The following PCCA variants were observed in gnomAD, a reference collection of about 807,000 sequenced individuals.
The protein encoded by PCCA is propionyl-CoA carboxylase subunit alpha.
A neutral mutation model predicts 101.3 loss-of-function variants in PCCA; 74 were observed. The observed-to-expected ratio is 0.73, with a 90% CI of 0.61 to 0.89. The LOEUF (loss-of-function observed/expected upper bound fraction) is 0.89, where lower values mean the gene tolerates loss of function less well. PCCA is among the 40% of genes least tolerant of loss of function. PCCA has a pLI of 0.00. For synonymous variants in PCCA, 294 were observed against 313.6 expected, an observed-to-expected ratio of 0.94 and a Z score of 0.66; for missense variants, 891 against 907.0, an observed-to-expected ratio of 0.98 and a Z score of 0.23.
intron 19 of PCCA, among the ~76,000 whole-genome samples, chr13:100,373,323 C>G (rs778960898): frequency 2.0e-5 from 3 of 152,088 alleles, no homozygotes; most frequent in Non-Finnish European, 4.4e-5. Context: ...AACCCTTGTG[C>G]ACAGTTGGTA....
chr13:100,374,077 A>T (rs956709632), intron 19 of PCCA, among the ~76,000 whole-genome samples: 1 of 152,128 alleles, frequency 6.6e-6, no homozygotes, highest in Admixed American at 6.5e-5. Context: ...ACGCCACTGC[A>T]CTCTAGCCTG....
chr13:100,507,802 G>A (rs574537020), intron 21 of PCCA, among the ~76,000 whole-genome samples: 1 of 151,068 alleles, frequency 6.6e-6, no homozygotes, highest in Non-Finnish European at 1.5e-5. Context: ...GATTACAAGC[G>A]CCCACCACCA....
intron 4 of PCCA, among the ~76,000 whole-genome samples, chr13:100,131,418 C>T (rs752553634): frequency 4.6e-5 from 7 of 152,246 alleles, no homozygotes; most frequent in African/African-American, 7.2e-5. Context: ...CTGCTATGGC[C>T]GCTTGGACCC....
chr13:100,218,001 G>A (rs927542014), intron 7 of PCCA, among the ~76,000 whole-genome samples: 1 of 151,686 alleles, frequency 6.6e-6, no homozygotes, highest in Admixed American at 6.6e-5. Flanking sequence ...CTAGAACCCT[G>A]GGGGAGGAGG....
At chr13:100,404,767 T>G (rs529018390) in intron 19 of PCCA, among the ~76,000 whole-genome samples, 1 of 152,296 alleles carries the variant, frequency 6.6e-6, no homozygotes, top group East Asian at 1.9e-4. Flanking sequence ...CTTACCCACG[T>G]AACGCCCTAT....
rs1190274343 is a variant in PCCA, at chr13:100,302,933, A to G, written c.1219A>G (p.Lys407Glu). 1.9e-6 allele frequency: 3 copies of G among 1,594,752 alleles called. No homozygotes were observed. The highest frequency in any genetic ancestry group is 1.1e-5 in the South Asian group (1 of 90,678). ...ECRVYAEDPY[K>E]SFGLPSIGRL... ...TCCTTTGAACTTTCAGGACCCCTAC[A>G]AGTCTTTTGGTTTACCATCTATTGG... The change falls in exon 14 of 24, where the codon AAG becomes GAG. Residue 407 changes from lysine (K) to glutamate (E), a missense_variant. Physicochemically the swap from Lys to Glu is moderately conservative, Grantham distance 56 (BLOSUM62 1). Transcript: ENST00000376285.
intron 18 of PCCA, among the ~76,000 whole-genome samples, chr13:100,347,706 T>C (rs944554178): frequency 1.3e-5 from 2 of 152,208 alleles, no homozygotes; most frequent in African/African-American, 4.8e-5. Context: ...TTTTAACTCA[T>C]TATCTTTTAG....
intron 4 of PCCA, among the ~76,000 whole-genome samples, chr13:100,125,151 G>GTGTGTGTGTGTC (rs2152310939): frequency 6.6e-6 from 1 of 152,002 alleles, no homozygotes; most frequent in African/African-American, 2.4e-5. Flanking sequence ...GTGTGTGTGT[G>GTGTGTGTGTGTC]TGTGTGTGTG....
intron 19 of PCCA, among the ~76,000 whole-genome samples, chr13:100,413,213 A>G (rs1334965131): frequency 2.6e-5 from 4 of 152,204 alleles, no homozygotes; most frequent in Non-Finnish European, 4.4e-5. Context: ...AGATAATAAT[A>G]TAAAGTAGGT....
At chr13:100,166,026 T>C (rs1463519112) in intron 6 of PCCA, among the ~76,000 whole-genome samples, 2 of 152,240 alleles carry the variant, frequency 1.3e-5, no homozygotes, top group African/African-American at 4.8e-5. Flanking sequence ...TGTACACTTA[T>C]ATGTGTACAC....
At chr13:100,488,775 C>T (rs2084637663) in intron 21 of PCCA, among the ~76,000 whole-genome samples, 1 of 151,922 alleles carries the variant, frequency 6.6e-6, no homozygotes, top group South Asian at 2.1e-4. Flanking sequence ...CACTGCACTG[C>T]AATCTGGGCA....
chr13:100,353,813 C>A lies in PCCA; in HGVS notation c.1643+13554C>A, dbSNP rs558249070. Reference sequence around the variant, plus strand: ...ATAAAAAATACAAGAATATGCTGCGCATGGTGGCACGTGCCTATAGTCCTT... The same window carrying A: ...ATAAAAAATACAAGAATATGCTGCGAATGGTGGCACGTGCCTATAGTCCTT... On this transcript the variant is annotated intron_variant, in intron 18 of 23. Transcript: ENST00000376285. 3.3e-5 allele frequency among the ~76,000 whole-genome samples: 5 copies of A among 152,010 alleles called. No individual in the cohort carries two copies. The South Asian group carries it at 1.0e-3, about 32-fold the overall frequency.
chr13:100,445,850 A>C (rs1202376022), intron 20 of PCCA, among the ~76,000 whole-genome samples: 1 of 152,188 alleles, frequency 6.6e-6, no homozygotes, highest in African/African-American at 2.4e-5. Flanking sequence ...TGTCTTGGCC[A>C]TCATGAATAG....
At chr13:100,245,382 G>T (rs766389886) in intron 8 of PCCA, among the ~76,000 whole-genome samples, 21 of 152,170 alleles carry the variant, frequency 1.4e-4, no homozygotes, top group Non-Finnish European at 3.1e-4. Flanking sequence ...TTTAATTGGA[G>T]TTTGTGGAGT....
In PCCA at chr13:100,409,027, C is replaced by T. The variant is rs184760733; in HGVS notation, c.1747-16606C>T. On this transcript the variant is annotated intron_variant, in intron 19 of 23. Transcript: ENST00000376285. ...GGGGAAGGGGAAGGCTCCAGTGGCT[C>T]GTGGCAGAAAATGCCAGCCAGCCAC... 7.9e-4 allele frequency among the ~76,000 whole-genome samples: 120 copies of T among 152,256 alleles called. No homozygotes were observed. The East Asian group carries it at 9.7e-3, about 12-fold the overall frequency.
Position 100,250,701 on chromosome 13 carries a change from T to C in PCCA, c.638-6894T>C, listed in dbSNP as rs4261386. Among the ~76,000 whole-genome samples the C allele has an allele frequency of 4.0e-3, 608 of 152,298 alleles. 5 individuals are homozygous for C. Among genetic ancestry groups the C allele is most frequent in the African/African-American group, 0.014 (580 of 41,566 alleles). On this transcript the variant is annotated intron_variant, in intron 8 of 23. Transcript: ENST00000376285. ...TTAATTGTTGATTGGATTCTAGACA[T>C]TGTAAATGTTACATTGTGTGTTTGG...
At chr13:100,275,702 G>C (rs996834368) in intron 12 of PCCA, among the ~76,000 whole-genome samples, 4 of 151,090 alleles carry the variant, frequency 2.6e-5, no homozygotes, top group African/African-American at 7.3e-5. Context: ...TTCTTTTGCA[G>C]TATTTATCAT....
At chr13:100,451,622 A>G (rs2152927933) in intron 21 of PCCA, among the ~76,000 whole-genome samples, 1 of 151,450 alleles carries the variant, frequency 6.6e-6, no homozygotes, top group Non-Finnish European at 1.5e-5. Context: ...TTTCTCCCTC[A>G]GTTTTTCCTC....
intron 5 of PCCA, among the ~76,000 whole-genome samples, chr13:100,156,924 T>A (rs2053949932): frequency 6.6e-6 from 1 of 152,234 alleles, no homozygotes; most frequent in Non-Finnish European, 1.5e-5. Context: ...TTCTCCAGAA[T>A]TGTGGGCAAA....
Sources: allele counts gnomAD v4.1 joint callset (sites outside exome capture counted in the v4.1 genomes callset), GRCh38; gene constraint gnomAD v4.1.1; transcripts MANE v1.5; gene names NCBI Gene and HGNC (gene_info 2026-07-23, HGNC 2026-07-21).